Variants in C2CD2 observed in about 807,000 individuals in gnomAD.
The protein encoded by C2CD2 is C2 calcium dependent domain containing 2.
In C2CD2, 43 loss-of-function variants were observed where a neutral mutation model predicts 74.3. The observed-to-expected ratio is 0.58, with a 90% confidence interval of 0.45 to 0.75. The LOEUF is 0.75. Ranked by LOEUF, C2CD2 falls within the 30% of genes least tolerant of loss-of-function variation. The probability of loss-of-function intolerance (pLI) is 0.00; values close to 1 mark genes in which losing one functional copy is unlikely to be tolerated. For missense variants in C2CD2, 801 were observed against 916.3 expected (o/e 0.87, Z 1.63); for synonymous variants, 422 against 390.7 (o/e 1.08, Z -0.94).
chr21:41,903,492 GA>G lies in C2CD2; in HGVS notation c.1433-1744del, dbSNP rs1411141747. ...CCCAGTTGGTGTCTGCAGAGAAACA[GA>G]AAATTGCTTGCCATAGAAAATCTAC... On this transcript the variant is annotated intron_variant, in intron 11 of 13. Coordinates refer to ENST00000380486, the MANE Select transcript of C2CD2 (RefSeq NM_015500.2). This position sits in a 1 kb window ranked among gnomAD's most constrained non-coding sequence, Gnocchi z 4.5. Among the ~76,000 whole-genome samples, 1 of 151,848 alleles carries G rather than the reference GA, an allele frequency of 6.6e-6. No homozygotes were observed. The highest frequency in any genetic ancestry group is 1.5e-5 in the Non-Finnish European group (1 of 67,938).
Position 41,953,619 on chromosome 21 carries a change from G to C in C2CD2, c.30C>G (p.Leu10=), listed in dbSNP as rs561571627. 1 of 1,495,098 alleles carries C rather than the reference G, an allele frequency of 6.7e-7. No individual in the cohort carries two copies. The highest frequency in any genetic ancestry group is 8.8e-7 in the Non-Finnish European group (1 of 1,131,918). 92.6% of individuals were successfully genotyped at this position (1,495,098 alleles called of 1,614,324 possible). Residue 10 remains leucine (L), a synonymous_variant, in exon 1 of 14, where the codon CTC becomes CTG. Coordinates refer to ENST00000380486, the MANE Select transcript of C2CD2 (RefSeq NM_015500.2). ...CCAGCGCGAGCCACTGCGCCTCCCC[G>C]AGCCACGAGCCCAGCCGGGCCATGG... is the stretch of plus-strand genomic sequence containing the variant. MAMARLGSW[L]GEAQWLALVS...
At chr21:41,949,118 GAC>G (rs908895538) in intron 1 of C2CD2, among the ~76,000 whole-genome samples, 6 of 151,926 alleles carry the variant, frequency 3.9e-5, no homozygotes, top group African/African-American at 1.5e-4. Context: ...ACATGGTCCA[GAC>G]AGCATCAGCC....
intron 5 of C2CD2, among the ~76,000 whole-genome samples, chr21:41,917,042 A>G (rs2065099876): frequency 6.6e-6 from 1 of 152,162 alleles, no homozygotes; most frequent in Admixed American, 6.5e-5. Context: ...GAGTGCCCCC[A>G]GGCCTCAGGC....
intron 12 of C2CD2, chr21:41,900,958 T>TCAGA (rs2064888095): frequency 6.6e-6 from 1 of 152,382 alleles, no homozygotes; most frequent in Non-Finnish European, 1.5e-5. Context: ...TTAGCCAGTC[T>TCAGA]CATAACAAAT....
In C2CD2 at chr21:41,899,710, C is replaced by T. The variant is rs145733009; in HGVS notation, c.1561-348G>A. Among the ~76,000 whole-genome samples, 585 of 152,234 alleles carry T rather than the reference C, an allele frequency of 3.8e-3. 1 individual carries two copies. The highest frequency in any genetic ancestry group is 0.014 in the African/African-American group (562 of 41,544). On this transcript the variant is annotated intron_variant, in intron 12 of 13. Transcript: ENST00000380486. The surrounding 1 kb of genome is among the most constrained non-coding windows in gnomAD (Gnocchi z 4.4). ...GAGAGAGCCCGTCCTTCAGAGTCCA[C>T]GACAGCACAAAGGAAATGGCCGTGG...
At position 41,899,742 on chromosome 21, in the gene C2CD2, C is replaced by T. The variant is rs907270959; in HGVS notation, c.1561-380G>A. 2.6e-5 allele frequency among the ~76,000 whole-genome samples: 4 copies of T among 152,126 alleles called. No individual in the cohort carries two copies. Among genetic ancestry groups the T allele is most frequent in the Non-Finnish European group, 5.9e-5 (4 of 68,030 alleles). ...ACAAAGGAAATGGCCGTGGGTGTTTCGGGTTTAGCTGTCTTTGTTCCTACA... is the reference window on the plus strand; with the variant it reads ...ACAAAGGAAATGGCCGTGGGTGTTTTGGGTTTAGCTGTCTTTGTTCCTACA... On this transcript the variant is annotated intron_variant, in intron 12 of 13. Transcript: ENST00000380486. This position sits in a 1 kb window ranked among gnomAD's most constrained non-coding sequence, Gnocchi z 4.4.
At position 41,929,164 on chromosome 21, in the gene C2CD2, G is replaced by A. The variant is rs2065242444; in HGVS notation, c.379-7079C>T. Among the ~76,000 whole-genome samples, 1 of 152,034 alleles carries A rather than the reference G, an allele frequency of 6.6e-6. No individual in the cohort carries two copies. The highest frequency in any genetic ancestry group is 6.6e-5 in the Admixed American group (1 of 15,266). On this transcript the variant is annotated intron_variant, in intron 2 of 13. Coordinates refer to ENST00000380486, the MANE Select transcript of C2CD2 (RefSeq NM_015500.2). The surrounding 1 kb of genome is among the most constrained non-coding windows in gnomAD (Gnocchi z 4.6). ...ACACTAATGGCATGGTTTATTTTGT[G>A]CTGTGGTTGGAGCTAGATTCTGGAG...
intron 8 of C2CD2, 108 bp downstream of exon 8, chr21:41,909,351 G>A (rs1186166921): frequency 2.8e-6 from 2 of 710,736 alleles, no homozygotes; most frequent in Admixed American, 2.1e-5. Context: ...TTTAGAGGAG[G>A]GGTCAGCTTC....
intron 5 of C2CD2, among the ~76,000 whole-genome samples, chr21:41,916,880 C>T (rs577032952): frequency 1.3e-5 from 2 of 152,352 alleles, no homozygotes; most frequent in Admixed American, 6.5e-5. Flanking sequence ...AAGCCGCATA[C>T]ATTTTGACAT....
At chr21:41,913,996 G>A (rs771239668) in intron 6 of C2CD2, among the ~76,000 whole-genome samples, 14 of 152,192 alleles carry the variant, frequency 9.2e-5, no homozygotes, top group Non-Finnish European at 2.9e-5. Context: ...GGGAGGCTGA[G>A]GCGGGCGGAT....
chr21:41,913,472 G>A (rs577759345), intron 6 of C2CD2, among the ~76,000 whole-genome samples: 58 of 152,334 alleles, frequency 3.8e-4, no homozygotes, highest in Admixed American at 3.3e-3. Context: ...AGGCAGGAAC[G>A]GGGCCTGGCC....
intron 7 of C2CD2, among the ~76,000 whole-genome samples, chr21:41,910,477 A>G (rs1026789544): frequency 6.6e-6 from 1 of 152,150 alleles, no homozygotes; most frequent in Non-Finnish European, 1.5e-5. Context: ...TGACACCTCC[A>G]ATGCCATTAT....
intron 1 of C2CD2, among the ~76,000 whole-genome samples, chr21:41,948,902 T>TTTTTTTTTTTC (rs2065427065): frequency 7.0e-6 from 1 of 143,244 alleles, no homozygotes; most frequent in Non-Finnish European, 1.5e-5. Context: ...TCTTTTTTTT[T>TTTTTTTTTTTC]ACAAAGACCA....
At chr21:41,914,752 T>C in intron 5 of C2CD2, 31 bp from the exon 6 acceptor site, 1 of 1,604,610 alleles carries the variant, frequency 6.2e-7, no homozygotes, top group South Asian at 1.1e-5. Flanking sequence ...TTATTTTTGG[T>C]CTTCATGGGG....
At chr21:41,952,280 G>C (rs2065456309) in intron 1 of C2CD2, among the ~76,000 whole-genome samples, 1 of 152,234 alleles carries the variant, frequency 6.6e-6, no homozygotes, top group Non-Finnish European at 1.5e-5. Flanking sequence ...GCTGCTAACT[G>C]ATAGTCAAAG....
intron 1 of C2CD2, among the ~76,000 whole-genome samples, chr21:41,946,695 T>C (rs953949982): frequency 7.2e-5 from 11 of 152,106 alleles, no homozygotes; most frequent in African/African-American, 2.2e-4. Context: ...AGACATAAAA[T>C]ACAAGAGGAT....
At chr21:41,912,113 T>C in intron 7 of C2CD2, 1 of 501,872 alleles carries the variant, frequency 2.0e-6, no homozygotes, top group Non-Finnish European at 3.5e-6. Context: ...CCTCTCATCA[T>C]ATCAGGGCAG....
chr21:41,925,130 C>G (rs2065196061), intron 2 of C2CD2, among the ~76,000 whole-genome samples: 1 of 152,254 alleles, frequency 6.6e-6, no homozygotes, highest in Non-Finnish European at 1.5e-5. Context: ...TAAATAAAAC[C>G]TACAGTGCAG....
chr21:41,935,544 T>A (rs905732264), intron 2 of C2CD2, among the ~76,000 whole-genome samples: 23 of 152,150 alleles, frequency 1.5e-4, no homozygotes, highest in African/African-American at 5.6e-4. Context: ...CTGTGCTTGC[T>A]GAAGCCTGAC....
Sources: allele counts gnomAD v4.1 joint callset (sites outside exome capture counted in the v4.1 genomes callset), GRCh38; gene constraint gnomAD v4.1.1; non-coding constraint Gnocchi (gnomAD v3.1); transcripts MANE v1.5; gene names NCBI Gene and HGNC (gene_info 2026-07-23, HGNC 2026-07-21).